Variants in DSCAM observed in about 807,000 individuals in gnomAD.
The protein encoded by DSCAM is DS cell adhesion molecule.
In DSCAM, 47 loss-of-function variants were observed where a neutral mutation model predicts 217.7. That is an observed-to-expected ratio of 0.22 (90% confidence interval 0.17 to 0.28). DSCAM has a LOEUF of 0.28. DSCAM is among the 10% of genes least tolerant of loss of function. The pLI is 1.00. For missense variants in DSCAM, 2,080 were observed against 2,618.3 expected (o/e 0.79, Z 4.49); for synonymous variants, 1,056 against 1,015.3 (o/e 1.04, Z -0.76).
intron 3 of DSCAM, among the ~76,000 whole-genome samples, chr21:40,524,347 T>C (rs1256998026): frequency 1.3e-5 from 2 of 152,182 alleles, no homozygotes; most frequent in Admixed American, 1.3e-4. Context: ...TCTCTTTTTT[T>C]TCCTTTTCTA....
intron 27 of DSCAM, among the ~76,000 whole-genome samples, chr21:40,074,528 T>G (rs1009602670): frequency 2.6e-5 from 4 of 152,330 alleles, no homozygotes; most frequent in African/African-American, 9.6e-5. Flanking sequence ...CAGCCTTCAT[T>G]ATGTTTTTGC....
At chr21:40,780,423 G>GTGTATATATATATATATATATATA (rs1007015659) in intron 1 of DSCAM, among the ~76,000 whole-genome samples, 6 of 56,430 alleles carry the variant, frequency 1.1e-4, no homozygotes, top group African/African-American at 3.8e-4. Flanking sequence ...GTGTGTGTGT[G>GTGTATATATATATATATATATATA]TATATATATA....
intron 3 of DSCAM, among the ~76,000 whole-genome samples, chr21:40,625,793 C>A (rs1568946176): frequency 6.6e-6 from 1 of 152,118 alleles, no homozygotes; most frequent in African/African-American, 2.4e-5. Flanking sequence ...ATAACAACAA[C>A]AAAACAAAAT....
chr21:40,144,673 T>C lies in DSCAM; in HGVS notation c.3077A>G (p.Glu1026Gly). Residue 1026 changes from glutamate to glycine, a missense_variant, in exon 17 of 33, where the codon GAG becomes GGG. Transcript: ENST00000400454. The surrounding 1 kb of genome is among the most constrained non-coding windows in gnomAD (Gnocchi z 4.8). ...IIRGYQIGYR[E>G]YSTGGNFQFN... The stretch of plus-strand genomic sequence containing the variant: ...TTGGAAGTTACCCCCAGTGCTGTAC[T>C]CTCGGTAACCTATTTGGTAGCCACG... 1 of 1,614,186 alleles carries C rather than the reference T, an allele frequency of 6.2e-7. No homozygotes were observed. The highest frequency in any genetic ancestry group is 8.5e-7 in the Non-Finnish European group (1 of 1,180,042).
Position 40,281,764 on chromosome 21 carries a change from A to G in DSCAM, c.2183-5494T>C, listed in dbSNP as rs530198579. Among the ~76,000 whole-genome samples the G allele has an allele frequency of 2.6e-5, 4 of 152,284 alleles. No individual in the cohort carries two copies. The South Asian group carries it at 8.3e-4, about 32-fold the overall frequency. ...CTGTTTATAGATAATTTTGAGCATC[A>G]TGAATGTATTGGCCATCTGTATTTG... On this transcript the variant is annotated intron_variant, in intron 10 of 32. Transcript: ENST00000400454.
At chr21:40,796,925 G>A (rs1024674064) in intron 1 of DSCAM, among the ~76,000 whole-genome samples, 2 of 152,198 alleles carry the variant, frequency 1.3e-5, no homozygotes, top group Admixed American at 6.5e-5. Context: ...TTGTCTCTTG[G>A]AGATCAGAGG....
At chr21:40,475,601 G>C (rs2075927068) in intron 3 of DSCAM, among the ~76,000 whole-genome samples, 1 of 152,204 alleles carries the variant, frequency 6.6e-6, no homozygotes, top group Admixed American at 6.5e-5. Flanking sequence ...GGGAGGCCGA[G>C]GCAGGCAGAT....
At chr21:40,804,272 T>A (rs1324322297) in intron 1 of DSCAM, among the ~76,000 whole-genome samples, 1 of 152,190 alleles carries the variant, frequency 6.6e-6, no homozygotes, top group African/African-American at 2.4e-5. Context: ...TCCTTTAAAT[T>A]GAAGCACAGA....
At chr21:40,613,825 A>C (rs2089348817) in intron 3 of DSCAM, among the ~76,000 whole-genome samples, 1 of 152,014 alleles carries the variant, frequency 6.6e-6, no homozygotes, top group Non-Finnish European at 1.5e-5. Context: ...AAGGCAATCC[A>C]ATTAAAATGA....
intron 19 of DSCAM, among the ~76,000 whole-genome samples, chr21:40,129,305 TC>T (rs2090130852): frequency 6.6e-6 from 1 of 152,224 alleles, no homozygotes; most frequent in Admixed American, 6.5e-5. Context: ...TGCACATATG[TC>T]CCTTTTCTCT....
intron 18 of DSCAM, among the ~76,000 whole-genome samples, chr21:40,136,477 T>C (rs904842274): frequency 2.0e-5 from 3 of 152,180 alleles, no homozygotes; most frequent in Non-Finnish European, 4.4e-5. Context: ...CCAGACCCTG[T>C]CTTTAAACAA....
intron 3 of DSCAM, among the ~76,000 whole-genome samples, chr21:40,487,324 TGTGAGAGAGA>T (rs1312120801): frequency 6.3e-4 from 48 of 76,160 alleles, no homozygotes; most frequent in African/African-American, 1.9e-3. Context: ...TGTGTGTGTG[TGTGAGAGAGA>T]GAGAGAGAGA....
At chr21:40,152,639 G>C (rs1377915024) in intron 16 of DSCAM, among the ~76,000 whole-genome samples, 1 of 152,184 alleles carries the variant, frequency 6.6e-6, no homozygotes, top group Non-Finnish European at 1.5e-5. Context: ...TGATCTCCAT[G>C]ACAACAGTCG....
chr21:40,431,594 T>C (rs763450018), intron 3 of DSCAM, among the ~76,000 whole-genome samples: 22 of 151,612 alleles, frequency 1.5e-4, no homozygotes, highest in Admixed American at 2.0e-4. Context: ...GTAAGCATAT[T>C]TTTTTATTCC....
At chr21:40,760,467 T>C (rs2091321957) in intron 1 of DSCAM, among the ~76,000 whole-genome samples, 1 of 152,142 alleles carries the variant, frequency 6.6e-6, no homozygotes, top group Non-Finnish European at 1.5e-5. Flanking sequence ...GAATTTGTGT[T>C]TGATTCTGAC....
At position 40,187,342 on chromosome 21, in the gene DSCAM, A is replaced by T. The variant is rs961621290; in HGVS notation, c.2651-83T>A. 6 of 1,539,794 alleles carry T rather than the reference A, an allele frequency of 3.9e-6. No individual in the cohort carries two copies. In the East Asian group the frequency reaches 1.4e-4, roughly 36 times the overall value. On this transcript the variant is annotated intron_variant, in intron 13 of 32. Coordinates refer to ENST00000400454, the MANE Select transcript of DSCAM (RefSeq NM_001389.5). Reference sequence around the variant, plus strand: ...CTAGTGGAAATGCTGAGCGTGACTCACAAACGATTTGTCTGCATTAGACAA... The same window carrying T: ...CTAGTGGAAATGCTGAGCGTGACTCTCAAACGATTTGTCTGCATTAGACAA...
chr21:40,573,415 A>G (rs1233120570), intron 3 of DSCAM, among the ~76,000 whole-genome samples: 2 of 152,172 alleles, frequency 1.3e-5, no homozygotes, highest in Non-Finnish European at 2.9e-5. Flanking sequence ...AAATTAAACA[A>G]CATGTTTCTA....
At chr21:40,793,236 A>G (rs1309848491) in intron 1 of DSCAM, among the ~76,000 whole-genome samples, 2 of 152,184 alleles carry the variant, frequency 1.3e-5, no homozygotes, top group Non-Finnish European at 2.9e-5. Flanking sequence ...ACGTGCCAAG[A>G]AGTGGCTGGC....
At chr21:40,717,132 G>A (rs1262444241) in intron 1 of DSCAM, among the ~76,000 whole-genome samples, 1 of 152,178 alleles carries the variant, frequency 6.6e-6, no homozygotes, top group Admixed American at 6.5e-5. Context: ...ATTAGGAGAG[G>A]GAGCTACAGG....
Sources: allele counts gnomAD v4.1 joint callset (sites outside exome capture counted in the v4.1 genomes callset), GRCh38; gene constraint gnomAD v4.1.1; non-coding constraint Gnocchi (gnomAD v3.1); transcripts MANE v1.5; gene names NCBI Gene and HGNC (gene_info 2026-07-23, HGNC 2026-07-21).